Variants in RIMS2 observed in about 807,000 individuals in gnomAD.
RIMS2 encodes the protein regulating synaptic membrane exocytosis 2, also known as regulating synaptic membrane exocytosis protein 2.
RIMS2 carries 59 observed loss-of-function variants against 174.4 expected under a neutral mutation model. That is an observed-to-expected ratio of 0.34 (90% CI 0.27 to 0.42). The LOEUF (loss-of-function observed/expected upper bound fraction) is 0.42. Ranked by LOEUF, RIMS2 falls within the 10% of genes least tolerant of loss-of-function variation. The probability of loss-of-function intolerance (pLI) is 1.00; values close to 1 mark genes in which losing one functional copy is unlikely to be tolerated. For missense variants in RIMS2, 1,620 were observed against 1,666.3 expected, an observed-to-expected ratio of 0.97 and a Z score of 0.48; for synonymous variants, 606 against 572.5, an observed-to-expected ratio of 1.06 and a Z score of -0.84.
intron 2 of RIMS2, among the ~76,000 whole-genome samples, chr8:103,709,345 T>TG (rs1309014098): frequency 6.3e-4 from 96 of 151,794 alleles, no homozygotes; most frequent in African/African-American, 2.1e-3. Context: ...TGTGGGTTTT[T>TG]TTTTTTTTTT....
intron 1 of RIMS2, among the ~76,000 whole-genome samples, chr8:103,679,625 C>A (rs1466639778): frequency 1.3e-5 from 2 of 151,812 alleles, no homozygotes; most frequent in Non-Finnish European, 2.9e-5. Context: ...TCACAGAACT[C>A]AGAAGTGAAA....
chr8:103,937,931 C>T (rs73293889), intron 13 of RIMS2, among the ~76,000 whole-genome samples: 4,635 of 152,264 alleles, frequency 0.03, 216 homozygotes, highest in African/African-American at 0.1. Context: ...TCACTGCTGC[C>T]TCAAGCTCTT....
At chr8:103,933,544 A>G (rs1366552268) in intron 12 of RIMS2, among the ~76,000 whole-genome samples, 1 of 152,166 alleles carries the variant, frequency 6.6e-6, no homozygotes, top group Non-Finnish European at 1.5e-5. Flanking sequence ...AGTCCTTTAT[A>G]TTCCGGATGT....
chr8:103,814,724 C>A (rs1593009980), intron 3 of RIMS2, among the ~76,000 whole-genome samples: 2 of 152,008 alleles, frequency 1.3e-5, no homozygotes, highest in East Asian at 1.9e-4. Flanking sequence ...ACAAGAAAAT[C>A]AAAAATTATT....
At chr8:103,696,946 C>T in intron 1 of RIMS2, 140 bp from the exon 4 acceptor site, 1 of 512,154 alleles carries the variant, frequency 2.0e-6, no homozygotes. Flanking sequence ...GTTAATTTAT[C>T]ATCAGAAAAT....
intron 3 of RIMS2, among the ~76,000 whole-genome samples, chr8:103,842,261 A>C (rs1018123765): frequency 1.3e-5 from 2 of 152,092 alleles, no homozygotes; most frequent in African/African-American, 4.8e-5. Flanking sequence ...GAAAAAATAC[A>C]GTTATAGTTT....
At chr8:104,124,061 T>G (rs1310510430) in intron 19 of RIMS2, among the ~76,000 whole-genome samples, 1 of 152,172 alleles carries the variant, frequency 6.6e-6, no homozygotes, top group South Asian at 2.1e-4. Context: ...TTTTTTAATT[T>G]AAAAGCAGCC....
At chr8:103,719,383 G>T (rs934207093) in intron 2 of RIMS2, among the ~76,000 whole-genome samples, 11 of 152,208 alleles carry the variant, frequency 7.2e-5, no homozygotes, top group Admixed American at 5.9e-4. Flanking sequence ...TATGCAGTAT[G>T]CAGCAGGGAA....
intron 2 of RIMS2, among the ~76,000 whole-genome samples, chr8:103,754,733 CAG>C (rs1345681513): frequency 6.6e-6 from 1 of 152,092 alleles, no homozygotes; most frequent in Non-Finnish European, 1.5e-5. Flanking sequence ...TCTGTTTTAT[CAG>C]AGACTAGGAT....
intron 3 of RIMS2, among the ~76,000 whole-genome samples, chr8:103,883,713 T>A (rs1044282939): frequency 6.6e-6 from 1 of 151,870 alleles, no homozygotes; most frequent in Non-Finnish European, 1.5e-5. Flanking sequence ...GGCTTTGTAC[T>A]TACATGAGAT....
rs2098096755 is a variant in RIMS2, at chr8:104,107,588, A to AGT, written c.3334+92974_3334+92975dup. On this transcript the variant is annotated intron_variant, in intron 19 of 23. Coordinates refer to ENST00000504942, the Ensembl canonical transcript of RIMS2. ...TCCAAAGGAATAGAGCTTCCAACAT[A>AGT]GTACTTCTAACATAGTGCAATATCC... Among the ~76,000 whole-genome samples, 8 of 152,246 alleles carry AGT rather than the reference A, an allele frequency of 5.3e-5. No individual in the cohort carries two copies. In the South Asian group the frequency reaches 1.7e-3, roughly 31 times the overall value.
At chr8:103,813,180 T>C (rs1176675107) in intron 3 of RIMS2, among the ~76,000 whole-genome samples, 2 of 152,216 alleles carry the variant, frequency 1.3e-5, no homozygotes, top group Non-Finnish European at 2.9e-5. Context: ...AAATGAAAAC[T>C]AAACCTAGCC....
At chr8:103,718,908 C>G (rs1161491566) in intron 2 of RIMS2, among the ~76,000 whole-genome samples, 1 of 152,124 alleles carries the variant, frequency 6.6e-6, no homozygotes, top group Non-Finnish European at 1.5e-5. Flanking sequence ...CCTCGGCCTC[C>G]TGAAGTGCTG....
intron 9 of RIMS2, 94 bp downstream of exon 12, chr8:103,918,581 T>C (rs1298080569): frequency 3.5e-6 from 3 of 867,136 alleles, no homozygotes; most frequent in South Asian, 2.8e-5. Flanking sequence ...AAGTAAGAAA[T>C]ATGATAACCT....
At chr8:103,936,302 C>T (rs1299267221) in intron 12 of RIMS2, among the ~76,000 whole-genome samples, 3 of 151,920 alleles carry the variant, frequency 2.0e-5, no homozygotes, top group African/African-American at 7.3e-5. Context: ...ATTCAGTTTT[C>T]AATAATATGT....
At chr8:103,604,122 C>A (rs10856098) in intron 1 of RIMS2, among the ~76,000 whole-genome samples, 15,357 of 132,090 alleles carry the variant, frequency 0.12, 1,225 homozygotes, top group African/African-American at 0.19. Flanking sequence ...TAGGGTTTTT[C>A]TGGTTTTAGG....
At chr8:103,640,297 AG>A (rs2096200048) in intron 1 of RIMS2, among the ~76,000 whole-genome samples, 1 of 151,924 alleles carries the variant, frequency 6.6e-6, no homozygotes, top group Non-Finnish European at 1.5e-5. Flanking sequence ...TAGCCTAGCT[AG>A]GAATTTATCA....
At chr8:103,739,353 G>C (rs149452909) in intron 2 of RIMS2, among the ~76,000 whole-genome samples, 2,329 of 152,244 alleles carry the variant, frequency 0.015, 25 homozygotes, top group Non-Finnish European at 0.024. Context: ...CACAGGAAGA[G>C]GAACATCACA....
chr8:104,008,631 C>A (rs891251072), intron 17 of RIMS2, among the ~76,000 whole-genome samples: 2 of 151,156 alleles, frequency 1.3e-5, no homozygotes, highest in Non-Finnish European at 3.0e-5. Context: ...TTTTAAATAC[C>A]TTTGTAGATG....
Sources: allele counts gnomAD v4.1 joint callset (sites outside exome capture counted in the v4.1 genomes callset), GRCh38; gene constraint gnomAD v4.1.1; transcripts MANE v1.5; gene names NCBI Gene and HGNC (gene_info 2026-07-23, HGNC 2026-07-21).